Variants in FRMD4A observed in about 807,000 individuals in gnomAD.
FRMD4A encodes the protein FERM domain containing 4A, also known as FERM domain-containing protein 4A.
In FRMD4A, 29 loss-of-function variants were observed where a neutral mutation model predicts 129.1. The ratio of observed to expected loss-of-function variants is 0.22; its 90% CI spans 0.17 to 0.31. The LOEUF (loss-of-function observed/expected upper bound fraction) is 0.31. FRMD4A is among the 10% of genes least tolerant of loss of function. The probability of loss-of-function intolerance (pLI) is 1.00; values close to 1 mark genes in which losing one functional copy is unlikely to be tolerated. For synonymous variants in FRMD4A, 634 were observed against 571.6 expected (o/e 1.11, Z -1.56); for missense variants, 1,272 against 1,375.8 (o/e 0.92, Z 1.19).
chr10:14,092,489 A>G (rs1161878395), intron 2 of FRMD4A, among the ~76,000 whole-genome samples: 1 of 152,208 alleles, frequency 6.6e-6, no homozygotes, highest in African/African-American at 2.4e-5. Context: ...CAAAATGAGA[A>G]ACTGGAGGTA....
At chr10:13,700,680 G>C (rs796408695) in intron 14 of FRMD4A, among the ~76,000 whole-genome samples, 76 of 152,192 alleles carry the variant, frequency 5.0e-4, no homozygotes, top group African/African-American at 1.8e-3. Context: ...AGCCCTGTGT[G>C]AACCAAGGAG....
chr10:13,656,512 T>G (rs567213391), intron 22 of FRMD4A, 124 bp downstream of exon 22: 1 of 1,149,728 alleles, frequency 8.7e-7, no homozygotes, highest in East Asian at 3.2e-5. Context: ...TTCCCAGAAT[T>G]AATTAATGAT....
At chr10:14,062,555 C>T (rs959553630) in intron 2 of FRMD4A, among the ~76,000 whole-genome samples, 5 of 152,212 alleles carry the variant, frequency 3.3e-5, no homozygotes, top group African/African-American at 9.7e-5. Flanking sequence ...TTGTAACCAA[C>T]GAGCTTCAAG....
intron 8 of FRMD4A, among the ~76,000 whole-genome samples, chr10:13,755,438 C>G (rs541465517): frequency 6.6e-6 from 1 of 152,318 alleles, no homozygotes; most frequent in East Asian, 1.9e-4. Context: ...AGTGAGCACA[C>G]CATCCCATGG....
At chr10:14,320,813 G>A (rs1846948734) in intron 2 of FRMD4A, among the ~76,000 whole-genome samples, 1 of 152,254 alleles carries the variant, frequency 6.6e-6, no homozygotes, top group South Asian at 2.1e-4. Flanking sequence ...CGAGAAGAGT[G>A]CATGAAGCTG....
In FRMD4A at chr10:13,659,418, G is replaced by C; in HGVS notation, c.1971C>G (p.Ser657Arg). 6.2e-7 allele frequency: 1 copy of C among 1,613,986 alleles called. No homozygotes were observed. Among genetic ancestry groups the C allele is most frequent in the Non-Finnish European group, 8.5e-7 (1 of 1,179,926 alleles). Residue 657 changes from serine to arginine, a missense_variant, in exon 21 of 25, where the codon AGC becomes AGG. Around this residue, in one of 2 missense-constraint regions of FRMD4A, gnomAD observed 972 missense variants for 892.3 expected, o/e 1.09. Coordinates refer to ENST00000357447, the MANE Select transcript of FRMD4A (RefSeq NM_018027.5). ...AGGGSNSLQN[S>R]PIRGLPHWNS... is the part of the protein sequence containing the mutation. ...TCCAGTGCGGGAGGCCGCGGATGGG[G>C]CTGTTCTGCAAGGAGTTGCTTCCTC... is the stretch of plus-strand genomic sequence containing the variant.
At chr10:13,806,530 G>C (rs989118771) in intron 4 of FRMD4A, among the ~76,000 whole-genome samples, 1 of 152,150 alleles carries the variant, frequency 6.6e-6, no homozygotes, top group South Asian at 2.1e-4. Context: ...GGGATGAGTC[G>C]TTGCTAGACC....
At chr10:13,842,356 C>T (rs1272677817) in intron 3 of FRMD4A, among the ~76,000 whole-genome samples, 2 of 152,208 alleles carry the variant, frequency 1.3e-5, no homozygotes, top group African/African-American at 4.8e-5. Flanking sequence ...TCTCTGCTAG[C>T]CATTCATTCG....
chr10:13,930,191 C>T (rs2095177135), intron 2 of FRMD4A, among the ~76,000 whole-genome samples: 1 of 152,232 alleles, frequency 6.6e-6, no homozygotes, highest in Admixed American at 6.5e-5. Flanking sequence ...TTCCAGCTTG[C>T]AATCCCCATA....
chr10:13,822,683 T>C (rs1296364239), intron 3 of FRMD4A, among the ~76,000 whole-genome samples: 1 of 152,154 alleles, frequency 6.6e-6, no homozygotes, highest in Non-Finnish European at 1.5e-5. Context: ...TGCTCACTGA[T>C]GCCAGAGAGC....
At chr10:13,737,651 G>A (rs1328709387) in intron 12 of FRMD4A, among the ~76,000 whole-genome samples, 193 bp downstream of exon 12, 2 of 151,732 alleles carry the variant, frequency 1.3e-5, no homozygotes, top group Non-Finnish European at 2.9e-5. Context: ...TTAGAGACAG[G>A]GAGAAAAAAA....
At chr10:13,664,146 C>T (rs1044301754) in intron 18 of FRMD4A, among the ~76,000 whole-genome samples, 16 of 152,242 alleles carry the variant, frequency 1.1e-4, no homozygotes, top group Non-Finnish European at 1.8e-4. Flanking sequence ...GTGGTTTGTC[C>T]GAGGTGGTTT....
intron 3 of FRMD4A, among the ~76,000 whole-genome samples, chr10:13,840,823 C>T (rs1206542215): frequency 5.2e-5 from 7 of 134,848 alleles, no homozygotes; most frequent in African/African-American, 8.3e-5. Flanking sequence ...AAAAAGTGGT[C>T]TAGGCCCAGG....
chr10:14,273,875 T>A (rs1347488634), intron 2 of FRMD4A, among the ~76,000 whole-genome samples: 2 of 152,178 alleles, frequency 1.3e-5, no homozygotes, highest in African/African-American at 2.4e-5. Flanking sequence ...TTTTGAGCAC[T>A]TACTAGTGCA....
intron 2 of FRMD4A, among the ~76,000 whole-genome samples, chr10:14,199,217 G>A (rs901364395): frequency 6.6e-6 from 1 of 151,566 alleles, no homozygotes; most frequent in Admixed American, 6.6e-5. Flanking sequence ...TCATTTTAAT[G>A]CTTATTTGTA....
chr10:14,080,282 G>T (rs892588231), intron 2 of FRMD4A, among the ~76,000 whole-genome samples: 9 of 152,084 alleles, frequency 5.9e-5, no homozygotes, highest in African/African-American at 2.2e-4. Context: ...CCCATTCCCT[G>T]CCCCTCTTCA....
chr10:13,985,393 GC>G (rs1276719788), intron 2 of FRMD4A, among the ~76,000 whole-genome samples: 23 of 152,330 alleles, frequency 1.5e-4, no homozygotes, highest in Middle Eastern at 3.4e-3. Flanking sequence ...CCTCCCACTG[GC>G]CTTGGGTGGT....
chr10:14,075,329 A>G (rs999398765), intron 2 of FRMD4A, among the ~76,000 whole-genome samples: 2 of 152,040 alleles, frequency 1.3e-5, no homozygotes, highest in Non-Finnish European at 1.5e-5. Context: ...ATCCAGACAC[A>G]TGTTAAATGC....
intron 12 of FRMD4A, among the ~76,000 whole-genome samples, chr10:13,711,217 T>A (rs934410522): frequency 5.9e-5 from 9 of 152,248 alleles, no homozygotes; most frequent in African/African-American, 2.2e-4. Flanking sequence ...AGCATCATTT[T>A]CTTCATGGGG....
Sources: gnomAD v4.1 joint callset for allele counts (sites outside exome capture counted in the v4.1 genomes callset) on GRCh38, gnomAD v4.1.1 for gene constraint, gnomAD v4.1.1 regional missense constraint, MANE v1.5 for transcripts, NCBI Gene and HGNC (gene_info 2026-07-23, HGNC 2026-07-21) for gene names.